The following DTNBP1 variants were observed in gnomAD, a reference collection of about 807,000 sequenced individuals.
DTNBP1 encodes the protein dysbindin.
Under a neutral mutation model 42.8 loss-of-function variants are expected in DTNBP1, and 35 were observed. That is an observed-to-expected ratio of 0.82 (90% CI 0.63 to 1.09). DTNBP1 has a LOEUF of 1.09. Among genes scored for constraint, DTNBP1 ranks in the 50% least tolerant of loss-of-function variants. DTNBP1 has a pLI of 0.00. For synonymous variants in DTNBP1, 171 were observed against 162.2 expected (o/e 1.05, Z -0.41); for missense variants, 457 against 424.2 (o/e 1.08, Z -0.68).
intron 7 of DTNBP1, among the ~76,000 whole-genome samples, chr6:15,544,007 T>C (rs1773731943): frequency 6.6e-6 from 1 of 152,200 alleles, no homozygotes; most frequent in African/African-American, 2.4e-5. Context: ...TAGAAGTAAA[T>C]TGCCTTGCTG....
intron 1 of DTNBP1, chr6:15,660,332 C>G (rs1007544376): frequency 3.0e-5 from 39 of 1,288,564 alleles, no homozygotes; most frequent in Non-Finnish European, 3.9e-5. Context: ...TGATCTCAAG[C>G]TGAATATGGA....
chr6:15,660,617 G>C, intron 1 of DTNBP1: 1 of 1,205,334 alleles, frequency 8.3e-7, no homozygotes, highest in Non-Finnish European at 1.1e-6. Context: ...AAGAAGTCAA[G>C]TCAGTTTCCA....
chr6:15,589,758 C>G (rs1209386854), intron 7 of DTNBP1, among the ~76,000 whole-genome samples: 2 of 152,184 alleles, frequency 1.3e-5, no homozygotes, highest in African/African-American at 4.8e-5. Context: ...CAAGGATAAC[C>G]TATCTGGATA....
intron 7 of DTNBP1, among the ~76,000 whole-genome samples, chr6:15,588,618 G>C (rs1776172177): frequency 6.6e-6 from 1 of 152,216 alleles, no homozygotes; most frequent in African/African-American, 2.4e-5. Context: ...AAGTTCCTGT[G>C]TATGGCATTC....
intron 7 of DTNBP1, among the ~76,000 whole-genome samples, chr6:15,557,900 A>G (rs964315696): frequency 6.6e-6 from 1 of 152,076 alleles, no homozygotes; most frequent in Non-Finnish European, 1.5e-5. Context: ...CTTTTTCTTA[A>G]TTAATCTTTT....
At chr6:15,525,430 G>T (rs915443211) in intron 8 of DTNBP1, among the ~76,000 whole-genome samples, 1 of 152,194 alleles carries the variant, frequency 6.6e-6, no homozygotes, top group Non-Finnish European at 1.5e-5. Flanking sequence ...CTTAACCTTG[G>T]TTTAAACAAA....
At chr6:15,594,643 T>C in intron 6 of DTNBP1, among the ~76,000 whole-genome samples, 1 of 152,118 alleles carries the variant, frequency 6.6e-6, no homozygotes, top group Non-Finnish European at 1.5e-5. Flanking sequence ...GCAATATGTA[T>C]CACAAGAGAA....
intron 7 of DTNBP1, among the ~76,000 whole-genome samples, chr6:15,550,208 T>C (rs1774132580): frequency 6.6e-6 from 1 of 152,234 alleles, no homozygotes; most frequent in African/African-American, 2.4e-5. Context: ...ACAATCACCT[T>C]TAGAGATGTT....
chr6:15,619,853 A>C (rs867615038), intron 5 of DTNBP1, among the ~76,000 whole-genome samples: 125 of 151,836 alleles, frequency 8.2e-4, no homozygotes, highest in African/African-American at 2.8e-3. Context: ...TATACAATTA[A>C]GTTATTATTG....
intron 1 of DTNBP1, chr6:15,660,405 A>C: frequency 7.8e-7 from 1 of 1,289,828 alleles, no homozygotes; most frequent in Non-Finnish European, 1.0e-6. Context: ...AACATCAGGC[A>C]CTAGAGGTCC....
chr6:15,563,287 T>C (rs1774923542), intron 7 of DTNBP1, among the ~76,000 whole-genome samples: 1 of 152,196 alleles, frequency 6.6e-6, no homozygotes, highest in African/African-American at 2.4e-5. Flanking sequence ...GGAGAAAATC[T>C]TCATGGCCTC....
At chr6:15,554,250 T>C (rs1774386300) in intron 7 of DTNBP1, among the ~76,000 whole-genome samples, 1 of 152,192 alleles carries the variant, frequency 6.6e-6, no homozygotes, top group Non-Finnish European at 1.5e-5. Flanking sequence ...TTCTTTTTCT[T>C]CTTCTTCTTA....
At chr6:15,531,996 A>G (rs1772867537) in intron 8 of DTNBP1, among the ~76,000 whole-genome samples, 1 of 152,094 alleles carries the variant, frequency 6.6e-6, no homozygotes, top group Non-Finnish European at 1.5e-5. Context: ...AGGAAGAAAC[A>G]CTCCTGGGAG....
In DTNBP1 at chr6:15,614,487, C is replaced by T. The variant is rs538040521; in HGVS notation, c.488+780G>A. 4.6e-5 allele frequency among the ~76,000 whole-genome samples: 7 copies of T among 152,248 alleles called. No individual in the cohort carries two copies. In the South Asian group the frequency reaches 8.3e-4, roughly 18 times the overall value. On this transcript the variant is annotated intron_variant, in intron 6 of 9. Coordinates refer to ENST00000344537, the MANE Select transcript of DTNBP1 (RefSeq NM_032122.5). ...CCGCCTCCAGCTTCAGTTCCAGAGG[C>T]GCCCAGCACAGATGACAGTCTGTCT...
intron 7 of DTNBP1, among the ~76,000 whole-genome samples, chr6:15,552,758 C>A (rs904787770): frequency 2.0e-5 from 3 of 152,178 alleles, no homozygotes; most frequent in African/African-American, 4.8e-5. Context: ...GTGATAATGT[C>A]CTTTTCATGA....
At chr6:15,636,148 T>C (rs1161094965) in intron 4 of DTNBP1, among the ~76,000 whole-genome samples, 2 of 144,184 alleles carry the variant, frequency 1.4e-5, no homozygotes, top group Non-Finnish European at 3.0e-5. Flanking sequence ...GAACACAAAT[T>C]ACCTGCACCT....
At position 15,533,251 on chromosome 6, in the gene DTNBP1, G is replaced by A; in HGVS notation, c.656C>T (p.Ala219Val). ...QYLSTGYLQI[A>V]ERREPIGSMS... is the part of the protein sequence containing the mutation. Reference sequence around the variant, plus strand: ...CAGCCCCCACTCGCCTCGCCGCTCTGCAATCTGCAGGTAGCCAGTGGACAG... The same window carrying A: ...CAGCCCCCACTCGCCTCGCCGCTCTACAATCTGCAGGTAGCCAGTGGACAG... Residue 219 changes from alanine (A) to valine (V), a missense_variant, in exon 8 of 10, where the codon GCA becomes GTA. Physicochemically the swap from Ala to Val is moderately conservative, Grantham distance 64. Transcript: ENST00000344537. The A allele has an allele frequency of 6.2e-7, 1 of 1,614,006 alleles. No individual in the cohort carries two copies. The highest frequency in any genetic ancestry group is 8.5e-7 in the Non-Finnish European group (1 of 1,180,020).
intron 7 of DTNBP1, among the ~76,000 whole-genome samples, chr6:15,549,439 C>T (rs1301300566): frequency 6.7e-6 from 1 of 148,734 alleles, no homozygotes; most frequent in Non-Finnish European, 1.5e-5. Flanking sequence ...GAGCCGAGAC[C>T]GCGCCATTGC....
At chr6:15,640,210 T>A (rs779416126) in intron 3 of DTNBP1, among the ~76,000 whole-genome samples, 2 of 152,156 alleles carry the variant, frequency 1.3e-5, no homozygotes, top group Non-Finnish European at 2.9e-5. Flanking sequence ...TTAAAAAAAA[T>A]TTATTGCTAT....
Sources: allele counts gnomAD v4.1 joint callset (sites outside exome capture counted in the v4.1 genomes callset), GRCh38; gene constraint gnomAD v4.1.1; transcripts MANE v1.5; gene names NCBI Gene and HGNC (gene_info 2026-07-23, HGNC 2026-07-21).